RNF216: variants seen among roughly 807,000 people sequenced by gnomAD.
The protein encoded by RNF216 is ring finger protein 216, also known as E3 ubiquitin-protein ligase RNF216.
Under a neutral mutation model 110.8 loss-of-function variants are expected in RNF216, and 72 were observed. The ratio of observed to expected loss-of-function variants is 0.65; its 90% CI spans 0.54 to 0.79. The LOEUF is 0.79. Among genes scored for constraint, RNF216 ranks in the 30% least tolerant of loss-of-function variants. The pLI is 0.00. For synonymous variants in RNF216, 495 were observed against 407.5 expected (o/e 1.21, Z -2.59); for missense variants, 1,342 against 1,141.2 (o/e 1.18, Z -2.54).
intron 11 of RNF216, chr7:5,713,188 C>G (rs1584495905): frequency 5.4e-6 from 1 of 184,790 alleles, no homozygotes; most frequent in East Asian, 1.5e-4. Flanking sequence ...TTGTTCCCCT[C>G]TACAGATATT....
chr7:5,683,035 C>T (rs1454053684), intron 13 of RNF216, among the ~76,000 whole-genome samples: 2 of 152,066 alleles, frequency 1.3e-5, no homozygotes, highest in Non-Finnish European at 2.9e-5. Context: ...CTTAAGAATG[C>T]AGAAAGTGCT....
chr7:5,729,464 C>T lies in RNF216; in HGVS notation c.1357G>A (p.Glu453Lys). 6.2e-7 allele frequency: 1 copy of T among 1,614,136 alleles called. No homozygotes were observed. The highest frequency in any genetic ancestry group is 8.5e-7 in the Non-Finnish European group (1 of 1,180,024). The change falls in exon 7 of 17, where the codon GAG becomes AAG. Residue 453 changes from glutamate to lysine, a missense_variant. Transcript: ENST00000389902. ...GTGATTGCATAGTGTCCTTTGAGCTCGTGCAGGGCCCACTTGATGTCCTGA... is the reference window on the plus strand; with the variant it reads ...GTGATTGCATAGTGTCCTTTGAGCTTGTGCAGGGCCCACTTGATGTCCTGA... ...SSQDIKWALH[E>K]LKGHYAITRK...
Position 5,761,559 on chromosome 7 carries a change from G to A in RNF216, c.-69-421C>T, listed in dbSNP as rs1274477327. On this transcript the variant is annotated intron_variant, in intron 1 of 16. Transcript: ENST00000389902. ...TCCCAGCACTTTGGGAGGCCGAGGCGGGCAGGTCATGAGGTTAGGAGTTTG... is the reference window on the plus strand; with the variant it reads ...TCCCAGCACTTTGGGAGGCCGAGGCAGGCAGGTCATGAGGTTAGGAGTTTG... Among the ~76,000 whole-genome samples, 9 of 152,164 alleles carry A rather than the reference G, an allele frequency of 5.9e-5. No individual in the cohort carries two copies. In the South Asian group the frequency reaches 6.2e-4, roughly 10 times the overall value.
At chr7:5,674,820 AC>A (rs1240082341) in intron 13 of RNF216, among the ~76,000 whole-genome samples, 1 of 151,274 alleles carries the variant, frequency 6.6e-6, no homozygotes, top group African/African-American at 2.4e-5. Context: ...ACATGGCAAA[AC>A]CCCATCTCTA....
At chr7:5,693,867 A>G (rs1791475667) in intron 13 of RNF216, among the ~76,000 whole-genome samples, 1 of 152,202 alleles carries the variant, frequency 6.6e-6, no homozygotes, top group African/African-American at 2.4e-5. Flanking sequence ...CTGGCCAACA[A>G]GGAGATGCTA....
In RNF216 at chr7:5,715,120, T is replaced by A. The variant is rs767047048; in HGVS notation, c.1766A>T (p.Asp589Val). 1.2e-6 allele frequency: 2 copies of A among 1,613,858 alleles called. No individual in the cohort carries two copies. Among genetic ancestry groups the A allele is most frequent in the Non-Finnish European group, 1.7e-6 (2 of 1,179,882 alleles). ...ACACTCTTTGCAGAACAAGTGAGCATCTGCGCACTGCGTCAGCTCCTCGAA... is the reference window on the plus strand; with the variant it reads ...ACACTCTTTGCAGAACAAGTGAGCAACTGCGCACTGCGTCAGCTCCTCGAA... ...FPFEELTQCA[D>V]AHLFCKECLI... Residue 589 changes from aspartate (D) to valine (V), a missense_variant, in exon 11 of 17, where the codon GAT becomes GTT. By Grantham distance (152) the Asp-to-Val change is radical (BLOSUM62 -3). Coordinates refer to ENST00000389902, the MANE Select transcript of RNF216 (RefSeq NM_207111.4).
In RNF216 at chr7:5,729,605, A is replaced by G. The variant is rs1793967390; in HGVS notation, c.1225-9T>C. The G allele has an allele frequency of 1.9e-6, 3 of 1,611,514 alleles. No individual in the cohort carries two copies. Among genetic ancestry groups the G allele is most frequent in the Non-Finnish European group, 2.5e-6 (3 of 1,177,812 alleles). On this transcript the variant is annotated splice_polypyrimidine_tract_variant and intron_variant, in intron 6 of 16. Coordinates refer to ENST00000389902, the MANE Select transcript of RNF216 (RefSeq NM_207111.4). ...AAGTCTATTTTAGGCAACTGAAATGAGAGAGAAGCATAAAATCAGAGGCCA... is the reference window on the plus strand; with the variant it reads ...AAGTCTATTTTAGGCAACTGAAATGGGAGAGAAGCATAAAATCAGAGGCCA...
intron 6 of RNF216, among the ~76,000 whole-genome samples, chr7:5,730,350 A>T (rs1232717613): frequency 2.0e-5 from 3 of 152,212 alleles, no homozygotes; most frequent in African/African-American, 7.2e-5. Context: ...AAAATATTTC[A>T]ATTTTTCTGT....
chr7:5,760,878 T>A (rs1795895975), intron 2 of RNF216, 125 bp downstream of exon 2: 1 of 751,084 alleles, frequency 1.3e-6, no homozygotes. Context: ...AACTAGTCTT[T>A]TTGTCAAAAA....
chr7:5,685,545 C>T (rs181277611), intron 13 of RNF216, among the ~76,000 whole-genome samples: 1 of 152,192 alleles, frequency 6.6e-6, no homozygotes, highest in Non-Finnish European at 1.5e-5. Flanking sequence ...TACATCAAGG[C>T]AAATTCTATT....
intron 5 of RNF216, among the ~76,000 whole-genome samples, chr7:5,738,087 C>CAAAAAAAAAAAAAAAAA (rs200643372): frequency 1.8e-5 from 2 of 111,002 alleles, no homozygotes; most frequent in Admixed American, 9.2e-5. Flanking sequence ...AGACTGTCTC[C>CAAAAAAAAAAAAAAAAA]AAAAAAAAAA....
intron 13 of RNF216, among the ~76,000 whole-genome samples, chr7:5,681,209 T>C (rs1193781772): frequency 2.0e-5 from 3 of 152,218 alleles, no homozygotes; most frequent in Admixed American, 2.0e-4. Flanking sequence ...AGCAGCACCC[T>C]AAATGTTTCT....
chr7:5,697,744 T>C (rs559116698), intron 13 of RNF216, among the ~76,000 whole-genome samples: 1 of 152,258 alleles, frequency 6.6e-6, no homozygotes, highest in East Asian at 1.9e-4. Context: ...GGTGCTCGCC[T>C]GGAGAAGACA....
chr7:5,697,899 G>A (rs1034111382), intron 13 of RNF216, among the ~76,000 whole-genome samples: 4 of 152,184 alleles, frequency 2.6e-5, no homozygotes, highest in Non-Finnish European at 4.4e-5. Flanking sequence ...GTCTAACAGA[G>A]CAGGGGAGAG....
rs1422555620 is a variant in RNF216 at position 5,660,340 on chromosome 7, A to G, written c.2062-7830T>C. Among the ~76,000 whole-genome samples the G allele has an allele frequency of 7.8e-5, 9 of 115,390 alleles. 1 individual carries two copies. The highest frequency in any genetic ancestry group is 6.0e-4 in the Admixed American group (5 of 8,356). The allele number at this position is 115,390 out of a possible 152,430, so 75.7% of individuals were successfully genotyped here. A position where few individuals can be genotyped will look rare whatever the true frequency, so the allele number is the denominator to read the frequency against. On this transcript the variant is annotated intron_variant, in intron 13 of 16. Coordinates refer to ENST00000389902, the MANE Select transcript of RNF216 (RefSeq NM_207111.4). Reference sequence around the variant, plus strand: ...TGGAGTCTCGCTTTGTCACCAGGCTAGAGTGCAGTGGCGCAATCTCGGCTC... The same window carrying G: ...TGGAGTCTCGCTTTGTCACCAGGCTGGAGTGCAGTGGCGCAATCTCGGCTC...
chr7:5,768,904 A>G (rs1437710304), intron 1 of RNF216, among the ~76,000 whole-genome samples: 4 of 150,846 alleles, frequency 2.7e-5, no homozygotes, highest in African/African-American at 7.3e-5. Context: ...CTCGTGATCC[A>G]CCCGCCTCGA....
chr7:5,730,933 C>G, intron 5 of RNF216, 116 bp from the exon 6 acceptor site: 1 of 1,415,798 alleles, frequency 7.1e-7, no homozygotes, highest in East Asian at 2.5e-5. Context: ...ACTGGCCTAT[C>G]AAGAAATTAA....
chr7:5,681,461 C>G (rs1790644785), intron 13 of RNF216, among the ~76,000 whole-genome samples: 1 of 152,210 alleles, frequency 6.6e-6, no homozygotes. Context: ...GGGAGGAAAT[C>G]TGTAGCCCTG....
chr7:5,737,136 G>C (rs1284292741), intron 5 of RNF216, among the ~76,000 whole-genome samples: 1 of 152,248 alleles, frequency 6.6e-6, no homozygotes, highest in African/African-American at 2.4e-5. Flanking sequence ...TGTCTGTGTA[G>C]AAAGAAGTAG....
Sources: allele counts gnomAD v4.1 joint callset (sites outside exome capture counted in the v4.1 genomes callset), GRCh38; gene constraint gnomAD v4.1.1; transcripts MANE v1.5; gene names NCBI Gene and HGNC (gene_info 2026-07-23, HGNC 2026-07-21).